Variants in ECM2 observed in about 807,000 individuals in gnomAD.
The protein encoded by ECM2 is extracellular matrix protein 2.
ECM2 carries 57 observed loss-of-function variants against 67.5 expected under a neutral mutation model. The ratio of observed to expected loss-of-function variants is 0.84; its 90% CI spans 0.68 to 1.05. ECM2 has a LOEUF of 1.05. Among genes scored for constraint, ECM2 ranks in the 50% least tolerant of loss-of-function variants. The pLI is 0.00. For missense variants in ECM2, 741 were observed against 822.8 expected, an observed-to-expected ratio of 0.90 and a Z score of 1.22; for synonymous variants, 258 against 294.5, an observed-to-expected ratio of 0.88 and a Z score of 1.27.
chr9:92,502,123 T>G (rs1178427316), intron 8 of ECM2, among the ~76,000 whole-genome samples: 1 of 151,646 alleles, frequency 6.6e-6, no homozygotes, highest in African/African-American at 2.4e-5. Flanking sequence ...GAATAATCCT[T>G]CATTCAAACC....
downstream of ECM2, among the ~76,000 whole-genome samples, chr9:92,494,916 A>C (rs1401911841): frequency 1.3e-5 from 2 of 152,110 alleles, no homozygotes; most frequent in Non-Finnish European, 2.9e-5. Context: ...AAAAAATAAT[A>C]ATAATAACAT....
At chr9:92,552,162 ATATATGTGATATGATAGATCTAT>A in the ECM2 span, among the ~76,000 whole-genome samples, 11 of 138,536 alleles carry the variant, frequency 7.9e-5, 1 homozygote, top group African/African-American at 2.1e-4. Context: ...GATCTATCAT[ATATATGTGATATGATAGATCTAT>A]CATATACACA....
chr9:92,494,772 T>C (rs1846273253), downstream of ECM2, among the ~76,000 whole-genome samples: 2 of 152,060 alleles, frequency 1.3e-5, no homozygotes, highest in South Asian at 2.1e-4. Context: ...CGGGGAGTGG[T>C]GACGCATGCC....
the ECM2 span, among the ~76,000 whole-genome samples, chr9:92,549,106 C>T: frequency 1.4e-4 from 21 of 152,238 alleles, 1 homozygote; most frequent in Admixed American, 6.5e-5. Flanking sequence ...ACTTGATTTT[C>T]TCACGTGGAC....
the ECM2 span, among the ~76,000 whole-genome samples, chr9:92,556,269 A>AT: frequency 6.6e-6 from 1 of 151,998 alleles, no homozygotes; most frequent in Non-Finnish European, 1.5e-5. Context: ...TATAATTTCA[A>AT]TTTTTTTAAA....
chr9:92,556,301 G>T, the ECM2 span, among the ~76,000 whole-genome samples: 1 of 151,990 alleles, frequency 6.6e-6, no homozygotes, highest in Non-Finnish European at 1.5e-5. Context: ...TCATTTTATG[G>T]CCTATCATAT....
At chr9:92,501,202 A>T (rs1846651462) in intron 8 of ECM2, 149 bp from the exon 9 acceptor site, 1 of 787,854 alleles carries the variant, frequency 1.3e-6, no homozygotes, top group African/African-American at 1.7e-5. Flanking sequence ...TTTTCCAGGT[A>T]TAGCCAGCCC....
At chr9:92,527,286 C>G (rs994343408) in intron 1 of ECM2, among the ~76,000 whole-genome samples, 1 of 152,186 alleles carries the variant, frequency 6.6e-6, no homozygotes, top group Non-Finnish European at 1.5e-5. Context: ...GCTAGGATTA[C>G]AGGCATGAGC....
chr9:92,539,257 T>C (rs1417726013), upstream of ECM2: 1 of 152,126 alleles, frequency 6.6e-6, no homozygotes, highest in Non-Finnish European at 1.5e-5. Context: ...TAAACCTCTT[T>C]TTACCAGCCC....
chr9:92,501,016 A>G lies in ECM2; in HGVS notation c.1642T>C (p.Tyr548His). The stretch of plus-strand genomic sequence containing the variant: ...TTGGGTAGATAGGACGGGACGTGAT[A>G]GAGCTTGTTGTAGGAGAGATCAATG... The part of the protein sequence containing the change: ...ESIDLSYNKL[Y>H]HVPSYLPKSL... The change falls in exon 9 of 10, where the codon TAT becomes CAT. Residue 548 changes from tyrosine to histidine, a missense_variant. By Grantham distance (83) the Tyr-to-His change is moderately conservative. Transcript: ENST00000344604. 1 of 1,614,196 alleles carries G rather than the reference A, an allele frequency of 6.2e-7. No homozygotes were observed. The highest frequency in any genetic ancestry group is 8.5e-7 in the Non-Finnish European group (1 of 1,180,020).
the ECM2 span, among the ~76,000 whole-genome samples, chr9:92,546,706 G>A: frequency 6.6e-6 from 1 of 152,158 alleles, no homozygotes; most frequent in Non-Finnish European, 1.5e-5. Flanking sequence ...TGAAGTCAGT[G>A]AGACCAAGAA....
At chr9:92,533,767 CAG>C (rs1437860364) in intron 1 of ECM2, among the ~76,000 whole-genome samples, 2 of 152,072 alleles carry the variant, frequency 1.3e-5, no homozygotes, top group Admixed American at 1.3e-4. Flanking sequence ...TAATTGGAAA[CAG>C]AATTACGGTT....
chr9:92,500,872 C>G lies in ECM2; in HGVS notation c.1786G>C (p.Asp596His). The G allele has an allele frequency of 6.2e-7, 1 of 1,614,194 alleles. No individual in the cohort carries two copies. Among genetic ancestry groups the G allele is most frequent in the African/African-American group, 1.3e-5 (1 of 75,040 alleles). ...LYLSFNKLADDGMDRVSFYGA... is the reference protein window; with the variant it reads ...LYLSFNKLADHGMDRVSFYGA... ...TAGAAGGAGACACGGTCCATGCCAT[C>G]ATCAGCAAGTTTGTTAAATGACAGG... The change falls in exon 9 of 10, where the codon GAT (aspartate) becomes CAT (histidine). Residue 596 changes from aspartate to histidine, a missense_variant. Asp to His is a moderately conservative substitution (Grantham distance 81). Transcript: ENST00000344604.
intron 9 of ECM2, 54 bp downstream of exon 9, chr9:92,500,673 C>G: frequency 6.6e-7 from 1 of 1,507,904 alleles, no homozygotes; most frequent in Non-Finnish European, 9.0e-7. Flanking sequence ...GTTGTTTTAT[C>G]ATATATTTTG....
At chr9:92,510,765 A>C (rs1847284104) in intron 5 of ECM2, among the ~76,000 whole-genome samples, 1 of 152,256 alleles carries the variant, frequency 6.6e-6, no homozygotes, top group South Asian at 2.1e-4. Context: ...TTCCAAAGCA[A>C]GAAAAGGAGG....
intron 1 of ECM2, among the ~76,000 whole-genome samples, chr9:92,524,965 A>G (rs1010839548): frequency 6.6e-6 from 1 of 152,216 alleles, no homozygotes; most frequent in African/African-American, 2.4e-5. Flanking sequence ...TTGAAGGATT[A>G]AGGGATAAGT....
chr9:92,516,394 A>T (rs1200579629), intron 3 of ECM2, among the ~76,000 whole-genome samples: 1 of 152,176 alleles, frequency 6.6e-6, no homozygotes, highest in Non-Finnish European at 1.5e-5. Flanking sequence ...ATCAAGATTT[A>T]AAAATTTACT....
At chr9:92,551,925 GTATATA>G in the ECM2 span, among the ~76,000 whole-genome samples, 4,321 of 84,502 alleles carry the variant, frequency 0.051, 405 homozygotes, top group Middle Eastern at 0.12. Flanking sequence ...TGGTGTGTGT[GTATATA>G]TATATATATA....
At chr9:92,535,397 A>G (rs1280147383) in intron 1 of ECM2, among the ~76,000 whole-genome samples, 2 of 152,182 alleles carry the variant, frequency 1.3e-5, no homozygotes, top group Non-Finnish European at 2.9e-5. Flanking sequence ...CAATCATAGT[A>G]TCATTTTTAT....
Sources: gnomAD v4.1 joint callset for allele counts (sites outside exome capture counted in the v4.1 genomes callset) on GRCh38, gnomAD v4.1.1 for gene constraint, MANE v1.5 for transcripts, NCBI Gene and HGNC (gene_info 2026-07-23, HGNC 2026-07-21) for gene names.